CHRNE: variants seen among roughly 807,000 people sequenced by gnomAD.
CHRNE encodes cholinergic receptor nicotinic epsilon subunit.
Under a neutral mutation model 56.5 loss-of-function variants are expected in CHRNE, and 58 were observed. The ratio of observed to expected loss-of-function variants is 1.03; its 90% CI spans 0.83 to 1.28. The LOEUF (loss-of-function observed/expected upper bound fraction) is 1.28. Ranked by LOEUF, CHRNE falls within the 50% of genes most tolerant of loss-of-function variation. The pLI, the probability that CHRNE is intolerant of heterozygous loss-of-function variation, is 0.00. For synonymous variants in CHRNE, 385 were observed against 297.9 expected (o/e 1.29, Z -3.01); for missense variants, 793 against 688.9 (o/e 1.15, Z -1.69).
chr17:4,901,244 T>G, intron 6 of CHRNE, 54 bp from the exon 7 acceptor site: 1 of 1,576,216 alleles, frequency 6.3e-7, no homozygotes, highest in Non-Finnish European at 8.6e-7. Context: ...CCCGCCGAGC[T>G]GACAGCGGGC....
In CHRNE at chr17:4,898,642, G is replaced by C; in HGVS notation, c.*94C>G. On this transcript the variant is annotated 3_prime_UTR_variant, in exon 12 of 12. Coordinates refer to ENST00000649488, the MANE Select transcript of CHRNE (RefSeq NM_000080.4). ...TTCACAAACTGCAGATTGATCAGCA[G>C]GGGGAAGGGATCATAATGCCGTGGT... 1 of 1,478,692 alleles carries C rather than the reference G, an allele frequency of 6.8e-7. No homozygotes were observed. The highest frequency in any genetic ancestry group is 9.2e-7 in the Non-Finnish European group (1 of 1,088,864). The allele number at this position is 1,478,692 out of a possible 1,614,324, so 91.6% of individuals were successfully genotyped here.
At chr17:4,900,314 G>A (rs1335126261) in intron 8 of CHRNE, 9 of 1,545,358 alleles carry the variant, frequency 5.8e-6, no homozygotes, top group Non-Finnish European at 7.9e-6. Flanking sequence ...GCAGGGATCC[G>A]GGTGCAGCGC....
intron 8 of CHRNE, chr17:4,900,254 G>C: frequency 6.5e-7 from 1 of 1,546,744 alleles, no homozygotes; most frequent in Non-Finnish European, 8.7e-7. Context: ...CCCTGTGGCT[G>C]CAGCAGGAGG....
At position 4,900,906 on chromosome 17, in the gene CHRNE, G is replaced by A. The variant is rs775149431; in HGVS notation, c.804C>T (p.Ala268=). ...TGGAGACCGTGCATTTCTGGCCGCC[G>A]GCTGGAGGGAGAGCCAGTGAGAGCG... The part of the protein sequence containing the change: ...VLLAYFLPAQ[A]GGQKCTVSIN... The change falls in exon 8 of 12, where the codon GCC becomes GCT. Residue 268 remains alanine, a splice_region_variant and synonymous_variant. Coordinates refer to ENST00000649488, the MANE Select transcript of CHRNE (RefSeq NM_000080.4). 7.4e-6 allele frequency: 12 copies of A among 1,614,058 alleles called. No individual in the cohort carries two copies. The African/African-American group carries it at 1.2e-4, about 16-fold the overall frequency.
chr17:4,902,705 A>T lies in CHRNE; in HGVS notation c.105T>A (p.Tyr35Ter), dbSNP rs2151098928. ...CCCGCACTGGCCGGCTTCCTGGGTC[A>T]TAGTTGTTGAAGAGATGGTGATAAA... ...LRLYHHLFNN[Y>*]DPGSRPVREP... Residue 35 changes from tyrosine to a stop codon, truncating the protein, a stop_gained, in exon 2 of 12, where the codon TAT becomes TAA. Transcript: ENST00000649488. LOFTEE classifies it high-confidence loss of function. This position sits in a 1 kb window ranked among gnomAD's most constrained non-coding sequence, Gnocchi z 4.0. 7 of 1,614,070 alleles carry T rather than the reference A, an allele frequency of 4.3e-6. No individual in the cohort carries two copies. The highest frequency in any genetic ancestry group is 5.9e-6 in the Non-Finnish European group (7 of 1,180,012).
chr17:4,902,570 T>G lies in CHRNE; in HGVS notation c.189+51A>C. 2.5e-6 allele frequency: 4 copies of G among 1,614,066 alleles called. No homozygotes were observed. The highest frequency in any genetic ancestry group is 1.1e-5 in the South Asian group (1 of 91,086). ...GAGCTTTAGGACAGAGCTCAGCGGT[T>G]GGGGCCAGAAGTGGGATTTTTGGCT... is the stretch of plus-strand genomic sequence containing the variant. On this transcript the variant is annotated intron_variant, in intron 2 of 11. Coordinates refer to ENST00000649488, the MANE Select transcript of CHRNE (RefSeq NM_000080.4). The surrounding 1 kb of genome is among the most constrained non-coding windows in gnomAD (Gnocchi z 4.0).
At chr17:4,905,451 G>C (rs1056240108), upstream of CHRNE, among the ~76,000 whole-genome samples, 1 of 152,178 alleles carries the variant, frequency 6.6e-6, no homozygotes, top group African/African-American at 2.4e-5. Context: ...TGTAGTCCCA[G>C]CTACTTAGGA....
chr17:4,899,000 C>T lies in CHRNE; in HGVS notation c.1326+1G>A, dbSNP rs1430654625. On this transcript the variant is annotated splice_donor_variant, in intron 11 of 11. Transcript: ENST00000649488. LOFTEE classifies it high-confidence loss of function. Reference sequence around the variant, plus strand: ...CCACCCGCCTCTGGCTCCTGTCCCACCTCGCCGGTGGCCTCCTGATCTCTC... The same window carrying T: ...CCACCCGCCTCTGGCTCCTGTCCCATCTCGCCGGTGGCCTCCTGATCTCTC... 6.3e-7 allele frequency: 1 copy of T among 1,591,844 alleles called. No individual in the cohort carries two copies. The highest frequency in any genetic ancestry group is 8.5e-7 in the Non-Finnish European group (1 of 1,170,480).
chr17:4,900,461 G>GC, intron 8 of CHRNE: 2 of 1,551,090 alleles, frequency 1.3e-6, no homozygotes, highest in Non-Finnish European at 1.7e-6. Flanking sequence ...CCTCATTCCT[G>GC]CGACAGTCGC....
intron 8 of CHRNE, chr17:4,899,968 G>A: frequency 1.3e-6 from 2 of 1,551,466 alleles, no homozygotes; most frequent in Non-Finnish European, 1.7e-6. Context: ...TGTCTTCCCT[G>A]GAACTCTCCG....
chr17:4,898,377 G>A lies in CHRNE; in HGVS notation c.*359C>T, dbSNP rs779847585. ...CCCTGTGTGCAAGTCCTGCAAAGGG[G>A]TCTCCTGTTTGGCTATGAAATGAAT... is the stretch of plus-strand genomic sequence containing the variant. On this transcript the variant is annotated 3_prime_UTR_variant, in exon 12 of 12. Coordinates refer to ENST00000649488, the MANE Select transcript of CHRNE (RefSeq NM_000080.4). The A allele has an allele frequency of 2.8e-6, 1 of 351,192 alleles. No homozygotes were observed. The highest frequency in any genetic ancestry group is 5.5e-6 in the Non-Finnish European group (1 of 181,750). 21.8% of individuals were successfully genotyped at this position (351,192 alleles called of 1,614,324 possible).
Position 4,901,142 on chromosome 17 carries a change from T to C in CHRNE, c.650A>G (p.His217Arg), listed in dbSNP as rs755943507. The C allele has an allele frequency of 6.2e-7, 1 of 1,611,414 alleles. No individual in the cohort carries two copies. The highest frequency in any genetic ancestry group is 8.5e-7 in the Non-Finnish European group (1 of 1,179,848). ...IDFCPGVIRR[H>R]HGGATDGPGE... ...TGGGCCGTCGGTGGCGCCACCGTGGTGGCGGCGGATCACCCCCGGGCAGAA... is the reference window on the plus strand; with the variant it reads ...TGGGCCGTCGGTGGCGCCACCGTGGCGGCGGCGGATCACCCCCGGGCAGAA... The change falls in exon 7 of 12, where the codon CAC (histidine) becomes CGC (arginine). Residue 217 changes from histidine (H) to arginine (R), a missense_variant. His to Arg is a conservative substitution (Grantham distance 29, BLOSUM62 0). Transcript: ENST00000649488.
In CHRNE at chr17:4,900,414, T is replaced by C. The variant is rs1437783878; in HGVS notation, c.917+379A>G. On this transcript the variant is annotated intron_variant, in intron 8 of 11. Coordinates refer to ENST00000649488, the MANE Select transcript of CHRNE (RefSeq NM_000080.4). ...CGCCCGGCTCCTAGTCCAGGGAGCA[T>C]GGCTATGCCTGTGTGGACGGGGTCT... 8.4e-6 allele frequency: 13 copies of C among 1,550,782 alleles called. No homozygotes were observed. In the East Asian group the frequency reaches 2.4e-4, roughly 29 times the overall value.
rs749950366 is a variant in CHRNE, at chr17:4,898,753, G to T, written c.1465C>A (p.Pro489Thr). 2 of 1,611,044 alleles carry T rather than the reference G, an allele frequency of 1.2e-6. No homozygotes were observed. Among genetic ancestry groups the T allele is most frequent in the Non-Finnish European group, 1.7e-6 (2 of 1,179,032 alleles). The change falls in exon 12 of 12, where the codon CCG becomes ACG. Residue 489 changes from proline (P) to threonine (T), a missense_variant. Coordinates refer to ENST00000649488, the MANE Select transcript of CHRNE (RefSeq NM_000080.4). The part of the protein sequence containing the change: ...FNRVPDLPYA[P>T]CIQP ...GGTGCGAGCTAAGGCTGGATACACG[G>T]CGCGTAGGGGAGATCAGGCACTCGG...
At position 4,898,126 on chromosome 17, in the gene CHRNE, G is replaced by A. The variant is rs144554248; in HGVS notation, c.*610C>T. ...CTAGGCAGAGAGAGCCTCCAGGGTG[G>A]GGAAGAAAGGGGCAGGGTGGGCTGG... On this transcript the variant is annotated 3_prime_UTR_variant, in exon 12 of 12. Coordinates refer to ENST00000649488, the MANE Select transcript of CHRNE (RefSeq NM_000080.4). 0.011 allele frequency: 1,815 copies of A among 163,368 alleles called. 31 individuals carry two copies. The highest frequency in any genetic ancestry group is 0.039 in the African/African-American group (1,606 of 41,634). 10.1% of individuals were successfully genotyped at this position (163,368 alleles called of 1,614,324 possible).
In CHRNE at chr17:4,902,647, C is replaced by G; in HGVS notation, c.163G>C (p.Val55Leu). 1 of 1,614,070 alleles carries G rather than the reference C, an allele frequency of 6.2e-7. No individual in the cohort carries two copies. Among genetic ancestry groups the G allele is most frequent in the South Asian group, 1.1e-5 (1 of 91,078 alleles). ...PEDTVTISLK[V>L]TLTNLISLNE... The stretch of plus-strand genomic sequence containing the variant: ...AGTGAGATGAGATTCGTCAGGGTGA[C>G]CTTGAGGCTGATGGTGACAGTATCC... Residue 55 changes from valine to leucine, a missense_variant, in exon 2 of 12, where the codon GTC becomes CTC. Val to Leu is a conservative substitution (Grantham distance 32). Coordinates refer to ENST00000649488, the MANE Select transcript of CHRNE (RefSeq NM_000080.4). This position sits in a 1 kb window ranked among gnomAD's most constrained non-coding sequence, Gnocchi z 4.0.
At chr17:4,900,399 C>G (rs1969942137) in intron 8 of CHRNE, 1 of 1,550,556 alleles carries the variant, frequency 6.4e-7, no homozygotes, top group Non-Finnish European at 8.7e-7. Context: ...CGCCCGGCTC[C>G]TAGTCCAGGG....
At chr17:4,900,700 C>A (rs901628873) in intron 8 of CHRNE, 93 bp downstream of exon 8, 2 of 1,469,400 alleles carry the variant, frequency 1.4e-6, no homozygotes, top group African/African-American at 2.8e-5. Flanking sequence ...CAGGGCGGGG[C>A]GAGACAGCCA....
upstream of CHRNE, among the ~76,000 whole-genome samples, chr17:4,904,252 A>C (rs1350716365): frequency 6.6e-6 from 1 of 151,878 alleles, no homozygotes; most frequent in Non-Finnish European, 1.5e-5. Context: ...ACAGGAGTAC[A>C]GTGGCACCAC....
Sources: gnomAD v4.1 joint callset for allele counts (sites outside exome capture counted in the v4.1 genomes callset) on GRCh38, gnomAD v4.1.1 for gene constraint, Gnocchi (gnomAD v3.1) non-coding constraint, MANE v1.5 for transcripts, NCBI Gene and HGNC (gene_info 2026-07-23, HGNC 2026-07-21) for gene names.